TAFA5: variants seen among roughly 807,000 people sequenced by gnomAD.
TAFA5 encodes TAFA chemokine like family member 5, also known as chemokine-like protein TAFA-5.
Under a neutral mutation model 15.3 loss-of-function variants are expected in TAFA5, and 6 were observed. That is an observed-to-expected ratio of 0.39 (90% CI 0.21 to 0.77). The LOEUF (loss-of-function observed/expected upper bound fraction) is 0.77. Ranked by LOEUF, TAFA5 falls within the 30% of genes least tolerant of loss-of-function variation. The pLI is 0.41. For synonymous variants in TAFA5, 103 were observed against 80.7 expected, an observed-to-expected ratio of 1.28 and a Z score of -1.48; for missense variants, 161 against 193.1, an observed-to-expected ratio of 0.83 and a Z score of 0.98.
chr22:48,636,066 G>A lies in TAFA5; in HGVS notation c.113-10531G>A, dbSNP rs191106226. On this transcript the variant is annotated intron_variant, in intron 1 of 3. Coordinates refer to ENST00000402357, the MANE Select transcript of TAFA5 (RefSeq NM_001082967.3). The stretch of plus-strand genomic sequence containing the variant: ...CAGGCAGTGGCCAGACGGCCAGGCC[G>A]CAGGCAGTTGCTCCCGGCAGTGGTG... Among the ~76,000 whole-genome samples, 576 of 152,362 alleles carry A rather than the reference G, an allele frequency of 3.8e-3. 4 individuals are homozygous for A. Among genetic ancestry groups the A allele is most frequent in the African/African-American group, 0.013 (547 of 41,580 alleles).
At chr22:48,663,067 C>T (rs777713676) in intron 2 of TAFA5, among the ~76,000 whole-genome samples, 15 of 150,702 alleles carry the variant, frequency 1.0e-4, no homozygotes, top group Non-Finnish European at 1.9e-4. Flanking sequence ...TGCTCCGGGA[C>T]GCAGGGTGGC....
chr22:48,519,083 C>A (rs1921517162), intron 1 of TAFA5, among the ~76,000 whole-genome samples: 1 of 152,190 alleles, frequency 6.6e-6, no homozygotes, highest in East Asian at 1.9e-4. Flanking sequence ...GTGGCTGACC[C>A]CAGGCCGAGA....
rs187711665 is a variant in TAFA5 at position 48,560,385 on chromosome 22, T to C, written c.112+70681T>C. Among the ~76,000 whole-genome samples, 4 of 152,200 alleles carry C rather than the reference T, an allele frequency of 2.6e-5. No homozygotes were observed. The highest frequency in any genetic ancestry group is 2.0e-4 in the Admixed American group (3 of 15,290). On this transcript the variant is annotated intron_variant, in intron 1 of 3. Transcript: ENST00000402357. The surrounding 1 kb of genome is among the most constrained non-coding windows in gnomAD (Gnocchi z 4.2). Reference sequence around the variant, plus strand: ...ATTTCCATTCTCGGCCTCCAATCCCTGGAGACCACACGTGGGATGCCAGGA... The same window carrying C: ...ATTTCCATTCTCGGCCTCCAATCCCCGGAGACCACACGTGGGATGCCAGGA...
intron 2 of TAFA5, among the ~76,000 whole-genome samples, chr22:48,699,222 C>T (rs538307526): frequency 3.3e-5 from 5 of 152,258 alleles, no homozygotes; most frequent in Admixed American, 6.5e-5. Context: ...CGTGAGCCAC[C>T]GTGCCCTGCT....
intron 2 of TAFA5, among the ~76,000 whole-genome samples, chr22:48,679,987 A>G (rs1316989208): frequency 6.6e-6 from 1 of 152,186 alleles, no homozygotes; most frequent in Non-Finnish European, 1.5e-5. Flanking sequence ...TCCCACTTGT[A>G]AATGTTATCC....
intron 1 of TAFA5, among the ~76,000 whole-genome samples, chr22:48,548,299 C>T (rs1168823255): frequency 2.0e-5 from 3 of 152,216 alleles, no homozygotes; most frequent in South Asian, 2.1e-4. Flanking sequence ...CGAAGCTGCC[C>T]GCCTCTCTGG....
At chr22:48,638,566 C>T (rs1245515838) in intron 1 of TAFA5, among the ~76,000 whole-genome samples, 2 of 134,698 alleles carry the variant, frequency 1.5e-5, no homozygotes. Flanking sequence ...GGCGGGACCC[C>T]GACACTAAGC....
At position 48,635,181 on chromosome 22, in the gene TAFA5, G is replaced by A. The variant is rs117336099; in HGVS notation, c.113-11416G>A. Among the ~76,000 whole-genome samples, 37 of 152,336 alleles carry A rather than the reference G, an allele frequency of 2.4e-4. No individual in the cohort carries two copies. In the East Asian group the frequency reaches 6.6e-3, roughly 27 times the overall value. ...AGCTCCGTCCACCTAGCACCAGCTGGGGCCAGAGAGCAGGGCCAGCCTGTC... is the reference window on the plus strand; with the variant it reads ...AGCTCCGTCCACCTAGCACCAGCTGAGGCCAGAGAGCAGGGCCAGCCTGTC... On this transcript the variant is annotated intron_variant, in intron 1 of 3. Transcript: ENST00000402357.
At chr22:48,743,442 A>G (rs1335560634) in intron 3 of TAFA5, among the ~76,000 whole-genome samples, 1 of 152,180 alleles carries the variant, frequency 6.6e-6, no homozygotes, top group Non-Finnish European at 1.5e-5. Context: ...ATACGACCCC[A>G]TTCTAACTCG....
chr22:48,604,401 A>G (rs1361543545), intron 1 of TAFA5, among the ~76,000 whole-genome samples: 3 of 152,098 alleles, frequency 2.0e-5, no homozygotes, highest in Non-Finnish European at 2.9e-5. Flanking sequence ...GGTGTTCCAG[A>G]CTTGTTCTGG....
chr22:48,585,102 GCACA>G (rs750045339), intron 1 of TAFA5, among the ~76,000 whole-genome samples: 15 of 99,736 alleles, frequency 1.5e-4, no homozygotes, highest in East Asian at 1.5e-3. Context: ...CACACACCAC[GCACA>G]CACACACAAT....
chr22:48,701,068 C>T (rs2147246158), intron 2 of TAFA5, among the ~76,000 whole-genome samples: 1 of 152,276 alleles, frequency 6.6e-6, no homozygotes, highest in African/African-American at 2.4e-5. Context: ...CGCAGCCCTT[C>T]ATCCCTAGGG....
intron 1 of TAFA5, among the ~76,000 whole-genome samples, chr22:48,615,256 C>A (rs1925557172): frequency 6.6e-6 from 1 of 152,154 alleles, no homozygotes; most frequent in Non-Finnish European, 1.5e-5. Flanking sequence ...GCAGCCCCTG[C>A]CTTTGTGCCA....
At chr22:48,682,973 A>G (rs888432055) in intron 2 of TAFA5, among the ~76,000 whole-genome samples, 2 of 152,140 alleles carry the variant, frequency 1.3e-5, no homozygotes, top group Non-Finnish European at 2.9e-5. Context: ...ACCTAAATTC[A>G]CAGCAGATTG....
intron 1 of TAFA5, among the ~76,000 whole-genome samples, chr22:48,542,929 C>T (rs189894908): frequency 1.4e-5 from 2 of 146,390 alleles, no homozygotes; most frequent in African/African-American, 2.5e-5. Flanking sequence ...TACTGGTGTA[C>T]TGTCTGGGGT....
chr22:48,512,938 A>T (rs1342920705), intron 1 of TAFA5, among the ~76,000 whole-genome samples: 431 of 148,872 alleles, frequency 2.9e-3, no homozygotes, highest in African/African-American at 8.5e-3. Flanking sequence ...AAAAAAAAAA[A>T]AAAAAAGAGA....
chr22:48,629,609 A>G (rs912520918), intron 1 of TAFA5, among the ~76,000 whole-genome samples: 1 of 152,156 alleles, frequency 6.6e-6, no homozygotes, highest in Non-Finnish European at 1.5e-5. Flanking sequence ...GTCACACTGC[A>G]TGGTCTCCAC....
chr22:48,733,159 A>G (rs752771449), intron 3 of TAFA5, among the ~76,000 whole-genome samples: 53 of 152,360 alleles, frequency 3.5e-4, no homozygotes, highest in Middle Eastern at 3.4e-3. Context: ...TAGAATGACT[A>G]TATCACCAGA....
At chr22:48,675,368 C>T (rs548397742) in intron 2 of TAFA5, among the ~76,000 whole-genome samples, 27 of 152,266 alleles carry the variant, frequency 1.8e-4, no homozygotes, top group African/African-American at 5.8e-4. Flanking sequence ...GAGGTTGCAG[C>T]GGGAGACAGA....
Sources: allele counts gnomAD v4.1 joint callset (sites outside exome capture counted in the v4.1 genomes callset), GRCh38; gene constraint gnomAD v4.1.1; non-coding constraint Gnocchi (gnomAD v3.1); transcripts MANE v1.5; gene names NCBI Gene and HGNC (gene_info 2026-07-23, HGNC 2026-07-21).